Variants in PEBP4 observed in about 807,000 individuals in gnomAD.
PEBP4 encodes the protein phosphatidylethanolamine-binding protein 4.
Under a neutral mutation model 23.9 loss-of-function variants are expected in PEBP4, and 22 were observed. The observed-to-expected ratio is 0.92, with a 90% CI of 0.66 to 1.31. PEBP4 has a LOEUF of 1.31. Among genes scored for constraint, PEBP4 ranks in the 40% most tolerant of loss-of-function variants. The pLI, the probability that PEBP4 is intolerant of heterozygous loss-of-function variation, is 0.00. For synonymous variants in PEBP4, 112 were observed against 99.3 expected (o/e 1.13, Z -0.76); for missense variants, 324 against 281.7 (o/e 1.15, Z -1.07).
intron 3 of PEBP4, chr8:22,878,225 A>AGAGGGAGGGGGG (rs1554493714): frequency 7.9e-6 from 1 of 125,998 alleles, no homozygotes; most frequent in African/African-American, 2.9e-5. Flanking sequence ...AGGGAGGGGG[A>AGAGGGAGGGGGG]GAGGGAGGGA....
At chr8:22,921,594 G>C (rs1282132702) in intron 2 of PEBP4, among the ~76,000 whole-genome samples, 3 of 152,250 alleles carry the variant, frequency 2.0e-5, no homozygotes, top group African/African-American at 4.8e-5. Context: ...GCACCTGGCA[G>C]CCCCGGACCA....
chr8:22,938,626 T>C (rs780525494), intron 1 of PEBP4, among the ~76,000 whole-genome samples: 1 of 152,118 alleles, frequency 6.6e-6, no homozygotes, highest in Non-Finnish European at 1.5e-5. Context: ...AGGTGCTCCA[T>C]TACCCCTCGG....
Position 22,723,308 on chromosome 8 carries a change from C to T in PEBP4, c.517+1535G>A, listed in dbSNP as rs543972984. 4.6e-5 allele frequency among the ~76,000 whole-genome samples: 7 copies of T among 152,208 alleles called. No individual in the cohort carries two copies. In the South Asian group the frequency reaches 1.2e-3, roughly 27 times the overall value. ...TGGTTTCTGGAGGACAGGCTGTGGT[C>T]GAGCCTCAGGAGCCCCAGCACGCAG... On this transcript the variant is annotated intron_variant, in intron 6 of 6. Coordinates refer to ENST00000256404, the MANE Select transcript of PEBP4 (RefSeq NM_144962.3).
intron 3 of PEBP4, among the ~76,000 whole-genome samples, chr8:22,842,594 G>A (rs890533621): frequency 5.3e-5 from 8 of 152,160 alleles, no homozygotes; most frequent in Non-Finnish European, 1.0e-4. Context: ...ACACTCTTGC[G>A]ATGAAATGGA....
intron 6 of PEBP4, among the ~76,000 whole-genome samples, chr8:22,722,676 G>T (rs1804540904): frequency 6.6e-6 from 1 of 152,192 alleles, no homozygotes; most frequent in Admixed American, 6.5e-5. Flanking sequence ...CCTTGATTGT[G>T]TCTCCTCTGA....
intron 4 of PEBP4, among the ~76,000 whole-genome samples, chr8:22,762,155 T>A (rs1365246815): frequency 1.3e-5 from 2 of 152,172 alleles, no homozygotes; most frequent in Non-Finnish European, 2.9e-5. Flanking sequence ...CTTCATTAAT[T>A]TAAAGAAAAG....
At chr8:22,745,370 G>A (rs1805090238) in intron 4 of PEBP4, among the ~76,000 whole-genome samples, 1 of 152,194 alleles carries the variant, frequency 6.6e-6, no homozygotes, top group South Asian at 2.1e-4. Flanking sequence ...CTGCAGGGAT[G>A]TGGGGTAGCC....
At chr8:22,777,818 G>A (rs1805842937) in intron 4 of PEBP4, among the ~76,000 whole-genome samples, 1 of 152,182 alleles carries the variant, frequency 6.6e-6, no homozygotes, top group Admixed American at 6.5e-5. Context: ...AATTAGACAT[G>A]CAAGGCTGGG....
intron 4 of PEBP4, among the ~76,000 whole-genome samples, chr8:22,779,857 T>G (rs1047165543): frequency 3.3e-5 from 5 of 152,182 alleles, no homozygotes; most frequent in African/African-American, 1.2e-4. Flanking sequence ...CGACTTAGCT[T>G]GGACATGCAA....
At chr8:22,822,424 T>G (rs951286995) in intron 3 of PEBP4, among the ~76,000 whole-genome samples, 8 of 151,876 alleles carry the variant, frequency 5.3e-5, no homozygotes, top group Non-Finnish European at 1.0e-4. Context: ...ACATAGTATC[T>G]GACACATCCA....
intron 6 of PEBP4, among the ~76,000 whole-genome samples, chr8:22,718,169 G>C (rs564196923): frequency 3.3e-5 from 5 of 152,034 alleles, no homozygotes; most frequent in Non-Finnish European, 7.4e-5. Flanking sequence ...GCAGAGTTTC[G>C]GGGTGGTGAG....
intron 4 of PEBP4, among the ~76,000 whole-genome samples, chr8:22,795,143 G>A (rs867825933): frequency 3.4e-4 from 17 of 49,910 alleles, no homozygotes; most frequent in Middle Eastern, 0.01. Flanking sequence ...ATGTGTGTGT[G>A]TATATATATA....
intron 4 of PEBP4, among the ~76,000 whole-genome samples, chr8:22,791,555 C>T (rs1806141139): frequency 6.6e-6 from 1 of 152,006 alleles, no homozygotes; most frequent in African/African-American, 2.4e-5. Context: ...TGTGCGTTCG[C>T]GCGTGCTTGT....
chr8:22,908,949 G>T (rs1022213239), intron 3 of PEBP4, among the ~76,000 whole-genome samples: 3 of 152,160 alleles, frequency 2.0e-5, no homozygotes, highest in African/African-American at 7.2e-5. Flanking sequence ...GGAGATACTT[G>T]CATTTTAATG....
intron 3 of PEBP4, among the ~76,000 whole-genome samples, chr8:22,877,332 CAT>C (rs1808142059): frequency 6.6e-6 from 1 of 152,150 alleles, no homozygotes. Flanking sequence ...ACGTCAGGTC[CAT>C]GTTTTGATTC....
chr8:22,867,979 G>A (rs771770168), intron 3 of PEBP4, among the ~76,000 whole-genome samples: 4 of 152,204 alleles, frequency 2.6e-5, no homozygotes, highest in African/African-American at 9.7e-5. Context: ...TCACCTCTGT[G>A]CATGCACAGA....
At chr8:22,880,459 G>C (rs546140316) in intron 3 of PEBP4, 76 of 152,320 alleles carry the variant, frequency 5.0e-4, no homozygotes, top group African/African-American at 1.8e-3. Context: ...GTTCAAAACC[G>C]CTCCTGAGGC....
At chr8:22,715,009 A>T (rs1804383561) in intron 6 of PEBP4, among the ~76,000 whole-genome samples, 1 of 152,222 alleles carries the variant, frequency 6.6e-6, no homozygotes, top group Non-Finnish European at 1.5e-5. Context: ...AAAAGGGAGG[A>T]CTGTTCCCAT....
chr8:22,927,607 C>A lies in PEBP4; in HGVS notation c.108G>T (p.Leu36Phe). The stretch of plus-strand genomic sequence containing the variant: ...ACTGGCAAAAGAGGGTGTCCTCGTC[C>A]AAGAGGGCCTCATGGGCACACGGGC... ...ENSPCAHEAL[L>F]DEDTLFCQGL... The change falls in exon 2 of 7, where the codon TTG becomes TTT. Residue 36 changes from leucine to phenylalanine, a missense_variant. Coordinates refer to ENST00000256404, the MANE Select transcript of PEBP4 (RefSeq NM_144962.3). 6.2e-7 allele frequency: 1 copy of A among 1,612,366 alleles called. No homozygotes were observed. Among genetic ancestry groups the A allele is most frequent in the Non-Finnish European group, 8.5e-7 (1 of 1,179,228 alleles).
Sources: gnomAD v4.1 joint callset for allele counts (sites outside exome capture counted in the v4.1 genomes callset) on GRCh38, gnomAD v4.1.1 for gene constraint, MANE v1.5 for transcripts, NCBI Gene and HGNC (gene_info 2026-07-23, HGNC 2026-07-21) for gene names.